The following SIRT5 variants were observed in gnomAD, a reference collection of about 807,000 sequenced individuals.
The protein encoded by SIRT5 is sirtuin 5.
A neutral mutation model predicts 40.0 loss-of-function variants in SIRT5; 26 were observed. The ratio of observed to expected loss-of-function variants is 0.65; its 90% CI spans 0.48 to 0.90. The LOEUF is 0.90. Among genes scored for constraint, SIRT5 ranks in the 40% least tolerant of loss-of-function variants. SIRT5 has a pLI of 0.00. For synonymous variants in SIRT5, 146 were observed against 149.1 expected, an observed-to-expected ratio of 0.98 and a Z score of 0.15; for missense variants, 401 against 402.4, an observed-to-expected ratio of 1.00 and a Z score of 0.03.
chr6:13,594,689 C>T (rs1348998742), intron 5 of SIRT5, among the ~76,000 whole-genome samples: 2 of 152,182 alleles, frequency 1.3e-5, no homozygotes, highest in African/African-American at 2.4e-5. Flanking sequence ...GCTCAGCATG[C>T]GAGAGAGCAG....
chr6:13,605,404 G>A (rs201226034), intron 9 of SIRT5: 126 of 984,506 alleles, frequency 1.3e-4, no homozygotes, highest in African/African-American at 5.6e-4. Flanking sequence ...TCTAGGTTAC[G>A]GAGAAAAAAA....
intron 6 of SIRT5, among the ~76,000 whole-genome samples, chr6:13,596,710 C>T (rs1489428185): frequency 6.6e-6 from 1 of 152,168 alleles, no homozygotes; most frequent in Non-Finnish European, 1.5e-5. Flanking sequence ...TTGTCTTGAA[C>T]TTCTGGCCTC....
At position 13,607,065 on chromosome 6, in the gene SIRT5, G is replaced by A. The variant is rs184044543; in HGVS notation, c.858-4725G>A. 1.8e-3 allele frequency among the ~76,000 whole-genome samples: 263 copies of A among 149,800 alleles called. No homozygotes were observed. The highest frequency in any genetic ancestry group is 6.1e-3 in the African/African-American group (250 of 40,652). On this transcript the variant is annotated intron_variant, in intron 9 of 9. Transcript: ENST00000606117. This position sits in a 1 kb window ranked among gnomAD's most constrained non-coding sequence, Gnocchi z 4.0. ...CTGATTGGAGCTCACCTTTCTTGTC[G>A]TATCCATAATCTTCCTCGTGTTCCC...
At chr6:13,595,667 T>A (rs1761476094) in intron 6 of SIRT5, 103 bp downstream of exon 6, 1 of 945,890 alleles carries the variant, frequency 1.1e-6, no homozygotes, top group Non-Finnish European at 1.7e-6. Flanking sequence ...CATGGATATT[T>A]ATGAGAAATA....
intron 1 of SIRT5, among the ~76,000 whole-genome samples, chr6:13,576,443 A>T (rs922985697): frequency 1.3e-5 from 2 of 152,110 alleles, no homozygotes; most frequent in African/African-American, 4.8e-5. Flanking sequence ...GACCATTCAT[A>T]TGTCTTCTTT....
chr6:13,584,649 G>C (rs1269498916), intron 3 of SIRT5, among the ~76,000 whole-genome samples: 1 of 152,136 alleles, frequency 6.6e-6, no homozygotes, highest in African/African-American at 2.4e-5. Context: ...GCGCCCACCT[G>C]TCCTCTTCTC....
At chr6:13,576,685 T>G (rs1329688562) in intron 1 of SIRT5, among the ~76,000 whole-genome samples, 1 of 152,236 alleles carries the variant, frequency 6.6e-6, no homozygotes, top group Non-Finnish European at 1.5e-5. Context: ...GTGTCTATTT[T>G]TGCTTTTGTT....
rs141883620 is a variant in SIRT5 at position 13,581,134 on chromosome 6, A to G, written c.-36+1525A>G. The stretch of plus-strand genomic sequence containing the variant: ...AAACCAGGACAAGTACTACACCTAG[A>G]CATTTACATATACAGTACTAGTAAC... On this transcript the variant is annotated intron_variant, in intron 2 of 9. Coordinates refer to ENST00000606117, the MANE Select transcript of SIRT5 (RefSeq NM_012241.5). 5.7e-4 allele frequency among the ~76,000 whole-genome samples: 87 copies of G among 152,340 alleles called. No individual in the cohort carries two copies. In the East Asian group the frequency reaches 0.012, roughly 21 times the overall value.
intron 1 of SIRT5, among the ~76,000 whole-genome samples, chr6:13,575,511 C>T (rs1227525620): frequency 1.3e-5 from 2 of 151,670 alleles, no homozygotes; most frequent in African/African-American, 2.4e-5. Context: ...TTATCCTTAG[C>T]ATGTATTTTG....
chr6:13,578,963 G>T (rs1478753305), intron 1 of SIRT5, among the ~76,000 whole-genome samples: 2 of 152,006 alleles, frequency 1.3e-5, no homozygotes, highest in African/African-American at 4.8e-5. Flanking sequence ...CTCCCTCAAG[G>T]CCTCTTTTCC....
At chr6:13,605,160 T>C in intron 9 of SIRT5, 2 of 985,576 alleles carry the variant, frequency 2.0e-6, no homozygotes, top group Non-Finnish European at 2.4e-6. Context: ...GGTTGAACTT[T>C]ACCCTAGGTC....
At chr6:13,591,577 T>C in intron 4 of SIRT5, 92 bp from the exon 5 acceptor site, 2 of 1,094,314 alleles carry the variant, frequency 1.8e-6, no homozygotes, top group African/African-American at 3.2e-5. Context: ...ACGCTGCCTG[T>C]CTCTGCCTTA....
intron 1 of SIRT5, among the ~76,000 whole-genome samples, 157 bp downstream of exon 1, chr6:13,574,901 AGGTCACCCT>A (rs1758387674): frequency 6.6e-6 from 1 of 152,026 alleles, no homozygotes; most frequent in Non-Finnish European, 1.5e-5. Context: ...CTTTTCAGAA[AGGTCACCCT>A]GGTCATTGCA....
At chr6:13,574,807 G>C (rs1202633623) in intron 1 of SIRT5, 63 bp downstream of exon 1, 1 of 152,478 alleles carries the variant, frequency 6.6e-6, no homozygotes, top group Non-Finnish European at 1.5e-5. Flanking sequence ...TGGAAACGGG[G>C]TTGGAAAGTA....
intron 4 of SIRT5, among the ~76,000 whole-genome samples, chr6:13,588,844 AGG>A (rs1383393442): frequency 6.6e-6 from 1 of 152,338 alleles, no homozygotes; most frequent in Non-Finnish European, 1.5e-5. Context: ...CAGTTATTGA[AGG>A]GTTAGGATTT....
intron 5 of SIRT5, 123 bp downstream of exon 5, chr6:13,592,017 C>T: frequency 1.1e-6 from 1 of 943,202 alleles, no homozygotes; most frequent in Non-Finnish European, 1.6e-6. Context: ...CTATAGGATG[C>T]TGTGGCATTT....
chr6:13,596,659 G>A (rs1761603430), intron 6 of SIRT5, among the ~76,000 whole-genome samples: 1 of 152,088 alleles, frequency 6.6e-6, no homozygotes, highest in African/African-American at 2.4e-5. Context: ...GCTAATTTTT[G>A]TATTTCTGGT....
intron 4 of SIRT5, chr6:13,589,009 G>A (rs1032684577): frequency 6.5e-6 from 1 of 152,934 alleles, no homozygotes; most frequent in African/African-American, 2.4e-5. Flanking sequence ...AATGGACATA[G>A]TTGTATAGCC....
Position 13,600,431 on chromosome 6 carries a change from C to T in SIRT5, c.742-403C>T, listed in dbSNP as rs541495362. ...GAAAATGTTAACAGTGGTTATCTTGCGGTAAGATTATGGATGATATGTATG... is the reference window on the plus strand; with the variant it reads ...GAAAATGTTAACAGTGGTTATCTTGTGGTAAGATTATGGATGATATGTATG... On this transcript the variant is annotated intron_variant, in intron 8 of 9. Transcript: ENST00000606117. Among the ~76,000 whole-genome samples the T allele has an allele frequency of 1.2e-3, 179 of 152,138 alleles. 1 individual carries two copies. The highest frequency in any genetic ancestry group is 2.1e-3 in the Non-Finnish European group (140 of 68,010).
Sources: allele counts gnomAD v4.1 joint callset (sites outside exome capture counted in the v4.1 genomes callset), GRCh38; gene constraint gnomAD v4.1.1; non-coding constraint Gnocchi (gnomAD v3.1); transcripts MANE v1.5; gene names NCBI Gene and HGNC (gene_info 2026-07-23, HGNC 2026-07-21).